Variants in MB21D2 observed in about 807,000 individuals in gnomAD.
MB21D2 encodes the protein Mab-21 domain containing 2.
In MB21D2, 9 loss-of-function variants were observed where a neutral mutation model predicts 33.3. The observed-to-expected ratio is 0.27, with a 90% CI of 0.16 to 0.47. The LOEUF (loss-of-function observed/expected upper bound fraction) is 0.47, where lower values mean the gene tolerates loss of function less well. Among genes scored for constraint, MB21D2 ranks in the 20% least tolerant of loss-of-function variants. The pLI is 0.99. For synonymous variants in MB21D2, 241 were observed against 236.3 expected, an observed-to-expected ratio of 1.02 and a Z score of -0.18; for missense variants, 540 against 624.6, an observed-to-expected ratio of 0.86 and a Z score of 1.44.
At chr3:192,909,263 A>T (rs543151607) in intron 1 of MB21D2, among the ~76,000 whole-genome samples, 17 of 143,178 alleles carry the variant, frequency 1.2e-4, no homozygotes, top group Non-Finnish European at 1.9e-4. Flanking sequence ...CTCAAAAAAA[A>T]AAAATAAAAA....
Position 192,917,625 on chromosome 3 carries a change from C to T in MB21D2, c.211+5G>A. The T allele has an allele frequency of 6.2e-7, 1 of 1,613,982 alleles. No homozygotes were observed. The highest frequency in any genetic ancestry group is 8.5e-7 in the Non-Finnish European group (1 of 1,179,942). The stretch of plus-strand genomic sequence containing the variant: ...CACACACACCTCCCCCTTTTTCCTC[C>T]TTACCCAGCATGGAAAAGATGAAAT... On this transcript the variant is annotated splice_donor_5th_base_variant and intron_variant, in intron 1 of 1. Coordinates refer to ENST00000392452, the MANE Select transcript of MB21D2 (RefSeq NM_178496.4).
At chr3:192,916,839 C>G (rs933820825) in intron 1 of MB21D2, among the ~76,000 whole-genome samples, 5 of 152,168 alleles carry the variant, frequency 3.3e-5, no homozygotes, top group African/African-American at 4.8e-5. Flanking sequence ...GTTGGAAACT[C>G]TGGGCACCTC....
In MB21D2 at chr3:192,799,852, T is replaced by C. The variant is rs1444264044; in HGVS notation, c.212-202A>G. Among the ~76,000 whole-genome samples, 2 of 152,204 alleles carry C rather than the reference T, an allele frequency of 1.3e-5. No individual in the cohort carries two copies. Among genetic ancestry groups the C allele is most frequent in the African/African-American group, 4.8e-5 (2 of 41,454 alleles). Reference sequence around the variant, plus strand: ...CACCCTTTTCCAAATGCAAGAATTATGATAGATTTTTCTCTCTCAGTGTGA... The same window carrying C: ...CACCCTTTTCCAAATGCAAGAATTACGATAGATTTTTCTCTCTCAGTGTGA... On this transcript the variant is annotated intron_variant, in intron 1 of 1. Transcript: ENST00000392452. The surrounding 1 kb of genome is among the most constrained non-coding windows in gnomAD (Gnocchi z 4.1).
At chr3:192,845,935 A>G (rs779929530) in intron 1 of MB21D2, among the ~76,000 whole-genome samples, 30 of 148,974 alleles carry the variant, frequency 2.0e-4, no homozygotes, top group Non-Finnish European at 3.5e-4. Flanking sequence ...AAAATAACTT[A>G]ACTGGGCATT....
intron 1 of MB21D2, among the ~76,000 whole-genome samples, chr3:192,839,694 T>C (rs1281351990): frequency 1.3e-5 from 2 of 152,230 alleles, no homozygotes; most frequent in South Asian, 2.1e-4. Flanking sequence ...AATTCTACTG[T>C]CATCAGAATG....
At position 192,797,935 on chromosome 3, in the gene MB21D2, T is replaced by C. The variant is rs573513924; in HGVS notation, c.*451A>G. ...CAAGTAGTTCCCAGGTTCATATGATTCTCAAATATCAGTAGTGGTGAAAGC... is the reference window on the plus strand; with the variant it reads ...CAAGTAGTTCCCAGGTTCATATGATCCTCAAATATCAGTAGTGGTGAAAGC... On this transcript the variant is annotated 3_prime_UTR_variant, in exon 2 of 2. Coordinates refer to ENST00000392452, the MANE Select transcript of MB21D2 (RefSeq NM_178496.4). 2 of 154,006 alleles carry C rather than the reference T, an allele frequency of 1.3e-5. No homozygotes were observed. The highest frequency in any genetic ancestry group is 4.1e-4 in the South Asian group (2 of 4,864). 9.5% of individuals were successfully genotyped at this position (154,006 alleles called of 1,614,324 possible). A position where few individuals can be genotyped will look rare whatever the true frequency, so the allele number is the denominator to read the frequency against.
chr3:192,907,004 T>C (rs1714229316), intron 1 of MB21D2, among the ~76,000 whole-genome samples: 1 of 152,190 alleles, frequency 6.6e-6, no homozygotes, highest in Admixed American at 6.5e-5. Context: ...TATAAACAAA[T>C]TGAACAGTTC....
At chr3:192,838,482 G>A (rs1457144887) in intron 1 of MB21D2, among the ~76,000 whole-genome samples, 1 of 148,278 alleles carries the variant, frequency 6.7e-6, no homozygotes, top group Non-Finnish European at 1.5e-5. Context: ...AGGCTGGAGT[G>A]CAGTGGCGCG....
At chr3:192,868,975 G>A (rs907317280) in intron 1 of MB21D2, among the ~76,000 whole-genome samples, 1 of 152,182 alleles carries the variant, frequency 6.6e-6, no homozygotes, top group Non-Finnish European at 1.5e-5. Context: ...GTAGGCCACA[G>A]ACTAGTTGTT....
rs550160940 is a variant in MB21D2, at chr3:192,887,551, T to C, written c.211+30079A>G. On this transcript the variant is annotated intron_variant, in intron 1 of 1. Coordinates refer to ENST00000392452, the MANE Select transcript of MB21D2 (RefSeq NM_178496.4). ...GATATATTTAGGGATAAATTATACG[T>C]CTAGGTTTGATCTAAAATAATCCAC... 3.3e-5 allele frequency among the ~76,000 whole-genome samples: 5 copies of C among 152,188 alleles called. No homozygotes were observed. The East Asian group carries it at 9.6e-4, about 29-fold the overall frequency.
chr3:192,832,194 A>G (rs972549735), intron 1 of MB21D2, among the ~76,000 whole-genome samples: 1 of 152,220 alleles, frequency 6.6e-6, no homozygotes, highest in African/African-American at 2.4e-5. Context: ...CAAGGGCCCC[A>G]GGCAGTTCTT....
At chr3:192,870,862 C>T (rs1713281092) in intron 1 of MB21D2, among the ~76,000 whole-genome samples, 2 of 151,972 alleles carry the variant, frequency 1.3e-5, no homozygotes, top group Non-Finnish European at 2.9e-5. Context: ...TATTATGACC[C>T]AACTGGGAAT....
At chr3:192,910,702 G>A (rs975725446) in intron 1 of MB21D2, among the ~76,000 whole-genome samples, 1 of 152,044 alleles carries the variant, frequency 6.6e-6, no homozygotes, top group East Asian at 1.9e-4. Context: ...CATATGTCTG[G>A]GTATAAGCAT....
At chr3:192,806,641 T>A (rs1711666730) in intron 1 of MB21D2, among the ~76,000 whole-genome samples, 1 of 152,202 alleles carries the variant, frequency 6.6e-6, no homozygotes, top group Non-Finnish European at 1.5e-5. Flanking sequence ...GCTTTTTATG[T>A]ATACCATTTC....
At chr3:192,894,650 T>C (rs1713926066) in intron 1 of MB21D2, among the ~76,000 whole-genome samples, 1 of 151,998 alleles carries the variant, frequency 6.6e-6, no homozygotes, top group African/African-American at 2.4e-5. Flanking sequence ...CATTTTTTTT[T>C]CTGAGAAAGC....
At chr3:192,847,447 G>T (rs1226574212) in intron 1 of MB21D2, among the ~76,000 whole-genome samples, 3 of 152,128 alleles carry the variant, frequency 2.0e-5, no homozygotes, top group Non-Finnish European at 2.9e-5. Flanking sequence ...GCAGTTAGGG[G>T]TCTTGGAAAT....
intron 1 of MB21D2, among the ~76,000 whole-genome samples, chr3:192,897,110 C>A (rs1211595859): frequency 6.6e-6 from 1 of 152,082 alleles, no homozygotes; most frequent in African/African-American, 2.4e-5. Context: ...AAACAATTTT[C>A]CCTCGGTAGA....
In MB21D2 at chr3:192,799,186, C is replaced by T; in HGVS notation, c.676G>A (p.Val226Ile). The T allele has an allele frequency of 6.2e-7, 1 of 1,614,248 alleles. No homozygotes were observed. Among genetic ancestry groups the T allele is most frequent in the Non-Finnish European group, 8.5e-7 (1 of 1,180,034 alleles). ...NGTIISIILG[V>I]GSSRMLYDIV... Reference sequence around the variant, plus strand: ...TCATACAACATGCGACTACTCCCTACACCCAGAATGATGGAGATGATGGTC... The same window carrying T: ...TCATACAACATGCGACTACTCCCTATACCCAGAATGATGGAGATGATGGTC... Residue 226 changes from valine to isoleucine, a missense_variant, in exon 2 of 2, where the codon GTA (valine) becomes ATA (isoleucine). By Grantham distance (29) the Val-to-Ile change is conservative (BLOSUM62 3). Coordinates refer to ENST00000392452, the MANE Select transcript of MB21D2 (RefSeq NM_178496.4). This position sits in a 1 kb window ranked among gnomAD's most constrained non-coding sequence, Gnocchi z 4.1.
intron 1 of MB21D2, among the ~76,000 whole-genome samples, chr3:192,883,179 A>G (rs973532891): frequency 9.2e-5 from 14 of 152,034 alleles, no homozygotes; most frequent in African/African-American, 2.9e-4. Context: ...GACCAGTTTC[A>G]TATCTAACCT....
Sources: gnomAD v4.1 joint callset for allele counts (sites outside exome capture counted in the v4.1 genomes callset) on GRCh38, gnomAD v4.1.1 for gene constraint, Gnocchi (gnomAD v3.1) non-coding constraint, MANE v1.5 for transcripts, NCBI Gene and HGNC (gene_info 2026-07-23, HGNC 2026-07-21) for gene names.